The following SLCO1C1 variants were observed in gnomAD, a reference collection of about 807,000 sequenced individuals.
The protein encoded by SLCO1C1 is OAT-RP-5.
A neutral mutation model predicts 76.4 loss-of-function variants in SLCO1C1; 70 were observed. The ratio of observed to expected loss-of-function variants is 0.92; its 90% CI spans 0.76 to 1.12. The LOEUF (loss-of-function observed/expected upper bound fraction) is 1.12. SLCO1C1 is among the 50% of genes most tolerant of loss of function. SLCO1C1 has a pLI of 0.00. For missense variants in SLCO1C1, 912 were observed against 823.8 expected, an observed-to-expected ratio of 1.11 and a Z score of -1.31; for synonymous variants, 306 against 286.1, an observed-to-expected ratio of 1.07 and a Z score of -0.70.
chr12:20,752,554 T>G lies in SLCO1C1; in HGVS notation c.*26T>G, dbSNP rs750745344. 3 of 1,503,876 alleles carry G rather than the reference T, an allele frequency of 2.0e-6. No homozygotes were observed. Among genetic ancestry groups the G allele is most frequent in the Admixed American group, 4.3e-5 (2 of 46,730 alleles). The allele number at this position is 1,503,876 out of a possible 1,614,324, so 93.2% of individuals were successfully genotyped here. A position where few individuals can be genotyped will look rare whatever the true frequency, so the allele number is the denominator to read the frequency against. On this transcript the variant is annotated 3_prime_UTR_variant, in exon 15 of 15. Coordinates refer to ENST00000266509, the MANE Select transcript of SLCO1C1 (RefSeq NM_017435.5). ...AAACATGATGACTGGAAGTCATGTC[T>G]TCTAATTGGTTGACATTTTGCAAAC...
At chr12:20,731,820 A>G (rs1008853605) in intron 9 of SLCO1C1, among the ~76,000 whole-genome samples, 1 of 152,170 alleles carries the variant, frequency 6.6e-6, no homozygotes, top group Non-Finnish European at 1.5e-5. Context: ...CCCACCTCCA[A>G]TATTTTCATC....
chr12:20,750,905 A>T, intron 14 of SLCO1C1, 113 bp downstream of exon 14: 1 of 1,597,822 alleles, frequency 6.3e-7, no homozygotes, highest in Non-Finnish European at 8.6e-7. Flanking sequence ...GGTAAAGAAT[A>T]GTCTAATCAA....
chr12:20,740,818 T>TATATATATATATATATA (rs1565541864), intron 12 of SLCO1C1, among the ~76,000 whole-genome samples: 1 of 124,950 alleles, frequency 8.0e-6, no homozygotes, highest in Non-Finnish European at 1.7e-5. Flanking sequence ...TATATATATA[T>TATATATATATATATATA]GGCTTTATCT....
Position 20,715,065 on chromosome 12 carries a change from G to A in SLCO1C1, c.530-74G>A, listed in dbSNP as rs556285573. The A allele has an allele frequency of 6.6e-5, 102 of 1,554,222 alleles. No individual in the cohort carries two copies. In the South Asian group the frequency reaches 8.5e-4, roughly 13 times the overall value. The stretch of plus-strand genomic sequence containing the variant: ...CATTCTAGTTCAGTTTAAGATATAC[G>A]GTAGAAATGCAGAATAAATACTTAA... On this transcript the variant is annotated intron_variant, in intron 5 of 14. Coordinates refer to ENST00000266509, the MANE Select transcript of SLCO1C1 (RefSeq NM_017435.5).
At chr12:20,714,806 G>A (rs907398704) in intron 5 of SLCO1C1, among the ~76,000 whole-genome samples, 3 of 152,094 alleles carry the variant, frequency 2.0e-5, no homozygotes, top group African/African-American at 7.2e-5. Flanking sequence ...TTTCTGTTTT[G>A]CCCCAGATAG....
At chr12:20,744,586 T>G (rs1948957296) in intron 13 of SLCO1C1, among the ~76,000 whole-genome samples, 1 of 152,078 alleles carries the variant, frequency 6.6e-6, no homozygotes, top group Non-Finnish European at 1.5e-5. Flanking sequence ...AATTAGCTCA[T>G]AAATAGAGCC....
At chr12:20,715,790 A>G (rs1183245264) in intron 6 of SLCO1C1, among the ~76,000 whole-genome samples, 1 of 152,176 alleles carries the variant, frequency 6.6e-6, no homozygotes, top group Non-Finnish European at 1.5e-5. Flanking sequence ...AAAAGTATAT[A>G]AAAAATAAAA....
In SLCO1C1 at chr12:20,740,787, T is replaced by TATATATATATATA. The variant is rs1565541668; in HGVS notation, c.1733+419_1733+420insATATATATATATA. On this transcript the variant is annotated intron_variant, in intron 12 of 14. Transcript: ENST00000266509. ...ACAACAATGTTAGAATTTATTTTAT[T>TATATATATATATA]TATATATATATATATATATATATAT... 9.4e-3 allele frequency among the ~76,000 whole-genome samples: 707 copies of TATATATATATATA among 74,994 alleles called. 44 individuals carry two copies. Among genetic ancestry groups the TATATATATATATA allele is most frequent in the Non-Finnish European group, 0.014 (566 of 41,676 alleles). The allele number at this position is 74,994 out of a possible 152,430, so 49.2% of individuals were successfully genotyped here. A position where few individuals can be genotyped will look rare whatever the true frequency, so the allele number is the denominator to read the frequency against.
intron 4 of SLCO1C1, among the ~76,000 whole-genome samples, chr12:20,706,536 C>G (rs1380586035): frequency 6.6e-6 from 1 of 152,062 alleles, no homozygotes; most frequent in Non-Finnish European, 1.5e-5. Flanking sequence ...AGACCTTTAT[C>G]AATGGAAGCA....
chr12:20,711,357 A>T, intron 4 of SLCO1C1, 29 bp from the exon 5 acceptor site: 1 of 1,606,650 alleles, frequency 6.2e-7, no homozygotes, highest in African/African-American at 1.3e-5. Flanking sequence ...TAATGAGTCT[A>T]TCATGAAGAA....
intron 9 of SLCO1C1, among the ~76,000 whole-genome samples, chr12:20,726,651 G>A (rs914490626): frequency 2.6e-5 from 4 of 151,940 alleles, no homozygotes; most frequent in Non-Finnish European, 5.9e-5. Context: ...AATTTGGATA[G>A]GCAGCTAGAT....
chr12:20,742,731 G>A (rs951208477), intron 12 of SLCO1C1, among the ~76,000 whole-genome samples: 9 of 150,404 alleles, frequency 6.0e-5, no homozygotes, highest in African/African-American at 2.0e-4. Flanking sequence ...TAGTAGAGAC[G>A]GGGTTTCACC....
intron 4 of SLCO1C1, among the ~76,000 whole-genome samples, chr12:20,707,316 T>A (rs183123042): frequency 4.6e-5 from 7 of 152,162 alleles, no homozygotes; most frequent in African/African-American, 1.4e-4. Flanking sequence ...GTCTCCAACC[T>A]GCCTACTCCC....
chr12:20,704,536 T>C (rs1946685668), intron 3 of SLCO1C1, among the ~76,000 whole-genome samples: 1 of 151,808 alleles, frequency 6.6e-6, no homozygotes, highest in Non-Finnish European at 1.5e-5. Flanking sequence ...TTGTGCTAAA[T>C]TATTCGTTTT....
chr12:20,740,781 T>TATATA (rs1555138845), intron 12 of SLCO1C1, among the ~76,000 whole-genome samples: 1 of 16,824 alleles, frequency 5.9e-5, no homozygotes, highest in Non-Finnish European at 1.6e-4. Context: ...TTAGAATTTA[T>TATATA]TTTATTTATA....
chr12:20,750,359 T>C (rs1333105168), intron 13 of SLCO1C1, among the ~76,000 whole-genome samples: 1 of 152,164 alleles, frequency 6.6e-6, no homozygotes, highest in African/African-American at 2.4e-5. Context: ...CAATGATAAC[T>C]CACAAGTCTG....
At chr12:20,719,745 A>G (rs1947560278) in intron 7 of SLCO1C1, among the ~76,000 whole-genome samples, 1 of 152,228 alleles carries the variant, frequency 6.6e-6, no homozygotes, top group African/African-American at 2.4e-5. Flanking sequence ...TGGCGCAAAC[A>G]GGTTCATGAG....
At chr12:20,726,008 G>A (rs774987231) in intron 9 of SLCO1C1, among the ~76,000 whole-genome samples, 5 of 152,024 alleles carry the variant, frequency 3.3e-5, no homozygotes, top group Non-Finnish European at 7.4e-5. Flanking sequence ...TTGTTCCTGA[G>A]ATCATATTGG....
At chr12:20,714,651 C>T (rs912410288) in intron 5 of SLCO1C1, among the ~76,000 whole-genome samples, 1 of 151,976 alleles carries the variant, frequency 6.6e-6, no homozygotes, top group African/African-American at 2.4e-5. Context: ...GAATATCAAC[C>T]ATATAAAAAT....
Sources: gnomAD v4.1 joint callset for allele counts (sites outside exome capture counted in the v4.1 genomes callset) on GRCh38, gnomAD v4.1.1 for gene constraint, MANE v1.5 for transcripts, NCBI Gene and HGNC (gene_info 2026-07-23, HGNC 2026-07-21) for gene names.